Variants in PCDHGA2 observed in about 807,000 individuals in gnomAD.
PCDHGA2 encodes protocadherin gamma subfamily A, 2.
In PCDHGA2, 40 loss-of-function variants were observed where a neutral mutation model predicts 59.2. The ratio of observed to expected loss-of-function variants is 0.68; its 90% CI spans 0.52 to 0.88. The LOEUF (loss-of-function observed/expected upper bound fraction) is 0.88, where lower values mean the gene tolerates loss of function less well. Ranked by LOEUF, PCDHGA2 falls within the 40% of genes least tolerant of loss-of-function variation. The pLI, the probability that PCDHGA2 is intolerant of heterozygous loss-of-function variation, is 0.00. For missense variants in PCDHGA2, 1,226 were observed against 1,204.0 expected (o/e 1.02, Z -0.27); for synonymous variants, 560 against 526.0 (o/e 1.06, Z -0.89).
intron 1 of PCDHGA2, chr5:141,427,539 A>G: frequency 1.6e-6 from 1 of 632,868 alleles, no homozygotes; most frequent in Non-Finnish European, 2.9e-6. Context: ...GTACAACGTC[A>G]CCATCACTGC....
At chr5:141,357,244 G>C in intron 1 of PCDHGA2, 4 of 1,613,834 alleles carry the variant, frequency 2.5e-6, no homozygotes, top group Non-Finnish European at 3.4e-6. Context: ...CAAGCCTTCA[G>C]CAGACCCAGA....
chr5:141,480,137 A>G (rs1183663599), intron 1 of PCDHGA2, among the ~76,000 whole-genome samples: 2 of 152,096 alleles, frequency 1.3e-5, no homozygotes, highest in Non-Finnish European at 2.9e-5. Context: ...CTGTTAAACA[A>G]TTATTAGCCA....
chr5:141,376,315 A>T, intron 1 of PCDHGA2: 2 of 1,614,178 alleles, frequency 1.2e-6, no homozygotes, highest in Non-Finnish European at 1.7e-6. Flanking sequence ...TGGGCGTGGA[A>T]GGGGTTCGGG....
Position 141,476,376 on chromosome 5 carries a change from T to C in PCDHGA2, c.2425-18431T>C. ...GTGAACCGGGAGACCGGAGAGATGT[T>C]TGTGAACGACCGTCTGGATCGAGAG... On this transcript the variant is annotated intron_variant, in intron 1 of 3. Coordinates refer to ENST00000394576, the MANE Select transcript of PCDHGA2 (RefSeq NM_018915.4). The surrounding 1 kb of genome is among the most constrained non-coding windows in gnomAD (Gnocchi z 7.6). The C allele has an allele frequency of 6.2e-7, 1 of 1,614,060 alleles. No homozygotes were observed. Among genetic ancestry groups the C allele is most frequent in the Non-Finnish European group, 8.5e-7 (1 of 1,180,004 alleles).
chr5:141,360,751 A>G (rs1205028174), intron 1 of PCDHGA2: 1 of 1,614,000 alleles, frequency 6.2e-7, no homozygotes, highest in Non-Finnish European at 8.5e-7. Context: ...AGAAGAGCAC[A>G]GTTTACATCA....
chr5:141,422,499 A>G lies in PCDHGA2; in HGVS notation c.2425-72308A>G. 3 of 1,614,036 alleles carry G rather than the reference A, an allele frequency of 1.9e-6. No homozygotes were observed. The South Asian group carries it at 3.3e-5, about 18-fold the overall frequency. On this transcript the variant is annotated intron_variant, in intron 1 of 3. Coordinates refer to ENST00000394576, the MANE Select transcript of PCDHGA2 (RefSeq NM_018915.4). ...TCCAGAGCTACAATATAACGTTGAC[A>G]GCCACAGACCAGGGAAGCCCGCCTT...
intron 1 of PCDHGA2, chr5:141,356,509 C>T: frequency 6.2e-7 from 1 of 1,614,018 alleles, no homozygotes; most frequent in Non-Finnish European, 8.5e-7. Context: ...TACAGAAACT[C>T]ATATTTCACT....
Position 141,489,805 on chromosome 5 carries a change from A to T in PCDHGA2, c.2425-5002A>T. On this transcript the variant is annotated intron_variant, in intron 1 of 3. Transcript: ENST00000394576. The surrounding 1 kb of genome is among the most constrained non-coding windows in gnomAD (Gnocchi z 4.5). ...GAATGTGAAGACCCTAAAAGATGGG[A>T]AGCCATTCCCAGAGCTGGTGCTAGA... 1 of 1,614,166 alleles carries T rather than the reference A, an allele frequency of 6.2e-7. No individual in the cohort carries two copies. Among genetic ancestry groups the T allele is most frequent in the Non-Finnish European group, 8.5e-7 (1 of 1,180,012 alleles).
At position 141,431,569 on chromosome 5, in the gene PCDHGA2, CGAA is replaced by C. The variant is rs780392922; in HGVS notation, c.2425-63236_2425-63234del. The C allele has an allele frequency of 1.9e-6, 3 of 1,614,000 alleles. No homozygotes were observed. The highest frequency in any genetic ancestry group is 2.7e-5 in the African/African-American group (2 of 74,932). ...TTGTAGTCAACGCTACCGACCCTGA[CGAA>C]GGAGTCAATGCGGAAGTGAGGTATT... On this transcript the variant is annotated intron_variant, in intron 1 of 3. Transcript: ENST00000394576. This position sits in a 1 kb window ranked among gnomAD's most constrained non-coding sequence, Gnocchi z 4.8.
intron 1 of PCDHGA2, chr5:141,359,968 T>C (rs1761374552): frequency 1.5e-6 from 1 of 669,776 alleles, no homozygotes; most frequent in Non-Finnish European, 2.2e-6. Flanking sequence ...AGAGAAGCGT[T>C]TGGGAGCCTC....
rs2233600 is a variant in PCDHGA2, at chr5:141,489,134, A to C, written c.2425-5673A>C. 9,827 of 731,232 alleles carry C rather than the reference A, an allele frequency of 0.013. 1,099 individuals are homozygous for C. The East Asian group carries it at 0.25, about 19-fold the overall frequency. The allele number at this position is 731,232 out of a possible 1,614,324, so 45.3% of individuals were successfully genotyped here. A position where few individuals can be genotyped will look rare whatever the true frequency, so the allele number is the denominator to read the frequency against. Reference sequence around the variant, plus strand: ...GGCAAACCTCCGAGCAGTTTTTAAGAGGCTGGAAGGAGACATAAGAGACTT... The same window carrying C: ...GGCAAACCTCCGAGCAGTTTTTAAGCGGCTGGAAGGAGACATAAGAGACTT... On this transcript the variant is annotated intron_variant, in intron 1 of 3. Transcript: ENST00000394576. The surrounding 1 kb of genome is among the most constrained non-coding windows in gnomAD (Gnocchi z 4.5).
rs930862898 is a variant in PCDHGA2 at position 141,480,073 on chromosome 5, C to A, written c.2425-14734C>A. ...GGAATAATAAGTGTTTTATAAGATT[C>A]ATGCATGATATAATGTATGCAAAGT... On this transcript the variant is annotated intron_variant, in intron 1 of 3. Coordinates refer to ENST00000394576, the MANE Select transcript of PCDHGA2 (RefSeq NM_018915.4). Among the ~76,000 whole-genome samples, 5 of 152,174 alleles carry A rather than the reference C, an allele frequency of 3.3e-5. No homozygotes were observed. In the South Asian group the frequency reaches 8.3e-4, roughly 25 times the overall value.
At chr5:141,419,757 G>C in intron 1 of PCDHGA2, 1 of 1,613,994 alleles carries the variant, frequency 6.2e-7, no homozygotes, top group Non-Finnish European at 8.5e-7. Flanking sequence ...CGTGCTTTGG[G>C]TGACAAGGAC....
intron 1 of PCDHGA2, chr5:141,376,544 G>C: frequency 6.2e-7 from 1 of 1,612,818 alleles, no homozygotes; most frequent in South Asian, 1.1e-5. Context: ...AGAGTAATCT[G>C]ATCTTCCCGC....
Position 141,489,948 on chromosome 5 carries a change from T to G in PCDHGA2, c.2425-4859T>G. The G allele has an allele frequency of 6.2e-7, 1 of 1,614,210 alleles. No homozygotes were observed. Among genetic ancestry groups the G allele is most frequent in the Non-Finnish European group, 8.5e-7 (1 of 1,180,030 alleles). ...TCTCTGTCATCGTGCTGGACATCAA[T>G]GATAATGCTCCAACCTTCCAATCCT... On this transcript the variant is annotated intron_variant, in intron 1 of 3. Transcript: ENST00000394576. The surrounding 1 kb of genome is among the most constrained non-coding windows in gnomAD (Gnocchi z 4.5).
At position 141,362,472 on chromosome 5, in the gene PCDHGA2, T is replaced by G. The variant is rs1762526410; in HGVS notation, c.2424+21077T>G. On this transcript the variant is annotated intron_variant, in intron 1 of 3. Transcript: ENST00000394576. ...CCCCGGAATTGGTTCCCGCGCAAGA[T>G]CTCGTCTGTGACAATGCCTCTTGGG... 3 of 1,613,916 alleles carry G rather than the reference T, an allele frequency of 1.9e-6. No individual in the cohort carries two copies. Among genetic ancestry groups the G allele is most frequent in the Non-Finnish European group, 2.5e-6 (3 of 1,179,892 alleles).
chr5:141,490,497 C>T lies in PCDHGA2; in HGVS notation c.2425-4310C>T. 8 of 1,614,196 alleles carry T rather than the reference C, an allele frequency of 5.0e-6. No individual in the cohort carries two copies. Among genetic ancestry groups the T allele is most frequent in the Non-Finnish European group, 6.8e-6 (8 of 1,180,038 alleles). ...CTTTGGACCGGGAGGCCACATCCCACTATATCATCGAGCTGCTGGCCAGCG... is the reference window on the plus strand; with the variant it reads ...CTTTGGACCGGGAGGCCACATCCCATTATATCATCGAGCTGCTGGCCAGCG... On this transcript the variant is annotated intron_variant, in intron 1 of 3. Transcript: ENST00000394576. The surrounding 1 kb of genome is among the most constrained non-coding windows in gnomAD (Gnocchi z 5.4).
At chr5:141,362,524 G>GGGGT in intron 1 of PCDHGA2, 1 of 1,613,964 alleles carries the variant, frequency 6.2e-7, no homozygotes, top group Non-Finnish European at 8.5e-7. Flanking sequence ...TGGAGCCGCT[G>GGGGT]GGGTCCCTTT....
intron 1 of PCDHGA2, chr5:141,422,550 G>A: frequency 6.2e-7 from 1 of 1,613,978 alleles, no homozygotes; most frequent in Non-Finnish European, 8.5e-7. Flanking sequence ...ATGTCTGGCT[G>A]AATGTGGCAG....
Sources: gnomAD v4.1 joint callset for allele counts (sites outside exome capture counted in the v4.1 genomes callset) on GRCh38, gnomAD v4.1.1 for gene constraint, Gnocchi (gnomAD v3.1) non-coding constraint, MANE v1.5 for transcripts, NCBI Gene and HGNC (gene_info 2026-07-23, HGNC 2026-07-21) for gene names.